MPP7: variants seen among roughly 807,000 people sequenced by gnomAD.
MPP7 encodes MAGUK p55 subfamily member 7.
MPP7 carries 60 observed loss-of-function variants against 76.5 expected under a neutral mutation model. That is an observed-to-expected ratio of 0.78 (90% confidence interval 0.64 to 0.97). The LOEUF (loss-of-function observed/expected upper bound fraction) is 0.97, where lower values mean the gene tolerates loss of function less well. MPP7 is among the 50% of genes least tolerant of loss of function. The pLI is 0.00. For synonymous variants in MPP7, 237 were observed against 244.5 expected, an observed-to-expected ratio of 0.97 and a Z score of 0.29; for missense variants, 641 against 694.0, an observed-to-expected ratio of 0.92 and a Z score of 0.86.
chr10:28,202,079 G>T, intron 3 of MPP7, 74 bp downstream of exon 3: 2 of 1,000,932 alleles, frequency 2.0e-6, no homozygotes, highest in South Asian at 1.4e-5. Context: ...TTTGATCTCT[G>T]GTTTACTTGG....
At chr10:28,197,981 C>T (rs988452905) in intron 3 of MPP7, among the ~76,000 whole-genome samples, 4 of 152,156 alleles carry the variant, frequency 2.6e-5, no homozygotes, top group Admixed American at 2.0e-4. Flanking sequence ...TTTATCATTA[C>T]TTGTATAAGG....
chr10:28,324,335 G>A (rs1035866431), intron 2 of MPP7, among the ~76,000 whole-genome samples: 1 of 152,112 alleles, frequency 6.6e-6, no homozygotes, highest in African/African-American at 2.4e-5. Flanking sequence ...CTCTATAACT[G>A]CAAGAAAGAA....
chr10:28,062,531 AACACACACACACACACACACACACACAC>A (rs56923979), intron 13 of MPP7, among the ~76,000 whole-genome samples: 16 of 132,384 alleles, frequency 1.2e-4, no homozygotes, highest in African/African-American at 3.6e-4. Context: ...CATAATAGTA[AACACACACACACACACACACACACACAC>A]ACACACACAC....
chr10:28,281,254 A>AT (rs1402121125), intron 1 of MPP7, among the ~76,000 whole-genome samples: 3 of 151,860 alleles, frequency 2.0e-5, no homozygotes, highest in Non-Finnish European at 4.4e-5. Flanking sequence ...AAATTTTTGT[A>AT]TTTTTTGTAT....
At chr10:28,088,476 T>G (rs571003673) in intron 12 of MPP7, among the ~76,000 whole-genome samples, 1 of 152,130 alleles carries the variant, frequency 6.6e-6, no homozygotes, top group Non-Finnish European at 1.5e-5. Flanking sequence ...CCTGCTGCCA[T>G]GTGAAGCCCG....
chr10:28,085,192 T>C (rs1174537305), intron 12 of MPP7, among the ~76,000 whole-genome samples: 5 of 152,326 alleles, frequency 3.3e-5, no homozygotes, highest in Middle Eastern at 6.8e-3. Context: ...AGGGTTCTGG[T>C]GTCCACCTGC....
At chr10:28,193,306 G>A (rs576969847) in intron 3 of MPP7, among the ~76,000 whole-genome samples, 35 of 151,328 alleles carry the variant, frequency 2.3e-4, no homozygotes, top group African/African-American at 7.3e-4. Context: ...TCTGCCTCTC[G>A]GGTTCAGACC....
In MPP7 at chr10:28,144,312, G is replaced by A. The variant is rs1419393087; in HGVS notation, c.315+3171C>T. 2.0e-5 allele frequency among the ~76,000 whole-genome samples: 3 copies of A among 151,550 alleles called. No individual in the cohort carries two copies. In the East Asian group the frequency reaches 5.8e-4, roughly 29 times the overall value. The stretch of plus-strand genomic sequence containing the variant: ...CTTCCTGCTTCAGATCCTTTCAATG[G>A]CTTTCCACTTTTTTATAAGCTCACG... On this transcript the variant is annotated intron_variant, in intron 5 of 16. Coordinates refer to ENST00000683449, the MANE Select transcript of MPP7 (RefSeq NM_001318170.2).
At chr10:28,080,675 C>T (rs1278911376) in intron 12 of MPP7, among the ~76,000 whole-genome samples, 1 of 152,130 alleles carries the variant, frequency 6.6e-6, no homozygotes, top group Non-Finnish European at 1.5e-5. Context: ...GTGGTTTATG[C>T]CCAGAAATGA....
chr10:28,096,566 T>A (rs1435920953), intron 11 of MPP7, among the ~76,000 whole-genome samples: 1 of 152,224 alleles, frequency 6.6e-6, no homozygotes. Context: ...TAAAAAGATG[T>A]AAGGTTTTCA....
intron 2 of MPP7, among the ~76,000 whole-genome samples, chr10:28,237,481 T>C (rs998732609): frequency 6.6e-6 from 1 of 152,218 alleles, no homozygotes; most frequent in Non-Finnish European, 1.5e-5. Flanking sequence ...AAAATCATTC[T>C]TGATGGATAA....
chr10:28,248,204 C>A (rs2132827477), intron 1 of MPP7, among the ~76,000 whole-genome samples: 1 of 152,198 alleles, frequency 6.6e-6, no homozygotes, highest in South Asian at 2.1e-4. Context: ...GACTAACACA[C>A]CCTGGAATGA....
At position 28,196,031 on chromosome 10, in the gene MPP7, T is replaced by C. The variant is rs565186944; in HGVS notation, c.156+6122A>G. Reference sequence around the variant, plus strand: ...AATAAGAGCTGTCAGATTTCAGTAATGAAAATACAAATATTGCATGGTTCA... The same window carrying C: ...AATAAGAGCTGTCAGATTTCAGTAACGAAAATACAAATATTGCATGGTTCA... On this transcript the variant is annotated intron_variant, in intron 3 of 16. Coordinates refer to ENST00000683449, the MANE Select transcript of MPP7 (RefSeq NM_001318170.2). Among the ~76,000 whole-genome samples, 4 of 152,306 alleles carry C rather than the reference T, an allele frequency of 2.6e-5. No individual in the cohort carries two copies. The South Asian group carries it at 6.2e-4, about 24-fold the overall frequency.
rs563879419 is a variant in MPP7 at position 28,061,386 on chromosome 10, G to T, written c.1205-1643C>A. 2.0e-4 allele frequency among the ~76,000 whole-genome samples: 31 copies of T among 151,814 alleles called. No individual in the cohort carries two copies. The South Asian group carries it at 5.4e-3, about 26-fold the overall frequency. On this transcript the variant is annotated intron_variant, in intron 13 of 16. Transcript: ENST00000683449. ...AAAAACAAATAGAAATTGTAGAAATGAAAAATAAAAATATCCAACAGAAAC... is the reference window on the plus strand; with the variant it reads ...AAAAACAAATAGAAATTGTAGAAATTAAAAATAAAAATATCCAACAGAAAC...
At chr10:28,285,326 A>G (rs893054130) in intron 1 of MPP7, among the ~76,000 whole-genome samples, 2 of 152,116 alleles carry the variant, frequency 1.3e-5, no homozygotes, top group African/African-American at 4.8e-5. Flanking sequence ...CTGGGATTAC[A>G]GGCAACACGC....
chr10:28,193,494 A>G (rs1837480504), intron 3 of MPP7, among the ~76,000 whole-genome samples: 1 of 152,188 alleles, frequency 6.6e-6, no homozygotes, highest in Non-Finnish European at 1.5e-5. Context: ...TACAGGCGTG[A>G]GTCACCATGA....
chr10:28,116,825 A>T (rs1228724219), intron 11 of MPP7, among the ~76,000 whole-genome samples: 1 of 152,150 alleles, frequency 6.6e-6, no homozygotes, highest in African/African-American at 2.4e-5. Context: ...ATACACAAAG[A>T]TTCTTTAGGG....
intron 11 of MPP7, among the ~76,000 whole-genome samples, chr10:28,109,848 C>CAAAAAAAAAAAAAAAAAAAAAAAA (rs869206744): frequency 1.0e-4 from 2 of 19,214 alleles, no homozygotes; most frequent in African/African-American, 5.0e-4. Flanking sequence ...GCCGCAGACG[C>CAAAAAAAAAAAAAAAAAAAAAAAA]AAAAAAAAAA....
intron 13 of MPP7, among the ~76,000 whole-genome samples, chr10:28,063,731 G>C (rs1044166374): frequency 6.6e-6 from 1 of 152,168 alleles, no homozygotes; most frequent in East Asian, 1.9e-4. Flanking sequence ...CTGATGATCT[G>C]AGGTGGAACA....
Sources: gnomAD v4.1 joint callset for allele counts (sites outside exome capture counted in the v4.1 genomes callset) on GRCh38, gnomAD v4.1.1 for gene constraint, MANE v1.5 for transcripts, NCBI Gene and HGNC (gene_info 2026-07-23, HGNC 2026-07-21) for gene names.